Variants in MAP3K6 observed in about 807,000 individuals in gnomAD.
MAP3K6 encodes apoptosis signal-regulating kinase 2.
Under a neutral mutation model 147.1 loss-of-function variants are expected in MAP3K6, and 105 were observed. The ratio of observed to expected loss-of-function variants is 0.71; its 90% confidence interval spans 0.61 to 0.84. The LOEUF is 0.84. Ranked by LOEUF, MAP3K6 falls within the 40% of genes least tolerant of loss-of-function variation. MAP3K6 has a pLI of 0.00. For missense variants in MAP3K6, 1,569 were observed against 1,715.0 expected (o/e 0.91, Z 1.50); for synonymous variants, 695 against 732.4 (o/e 0.95, Z 0.82).
In MAP3K6 at chr1:27,365,237, T is replaced by G. The variant is rs114067156; in HGVS notation, c.341-325A>C. Among the ~76,000 whole-genome samples, 442 of 152,174 alleles carry G rather than the reference T, an allele frequency of 2.9e-3. 3 individuals are homozygous for G. The highest frequency in any genetic ancestry group is 9.8e-3 in the African/African-American group (408 of 41,520). ...TTAGGAGGTGGGAGTTGCGCAAACA[T>G]AGAAGTCCCCTCCCTTTGGTCTTCA... On this transcript the variant is annotated intron_variant, in intron 1 of 28. Transcript: ENST00000357582.
In MAP3K6 at chr1:27,355,252, T is replaced by G; in HGVS notation, c.*139A>C. Reference sequence around the variant, plus strand: ...GGTGCCTGTGGTTGGTTTCTCTCACTGGAACCAGTCCTGGGCCCCACTCGC... The same window carrying G: ...GGTGCCTGTGGTTGGTTTCTCTCACGGGAACCAGTCCTGGGCCCCACTCGC... On this transcript the variant is annotated 3_prime_UTR_variant, in exon 29 of 29. Coordinates refer to ENST00000357582, the MANE Select transcript of MAP3K6 (RefSeq NM_004672.5). 1 of 806,206 alleles carries G rather than the reference T, an allele frequency of 1.2e-6. No homozygotes were observed. The highest frequency in any genetic ancestry group is 1.4e-5 in the South Asian group (1 of 72,366). The allele number at this position is 806,206 out of a possible 1,614,324, so 49.9% of individuals were successfully genotyped here. A position where few individuals can be genotyped will look rare whatever the true frequency, so the allele number is the denominator to read the frequency against.
chr1:27,358,476 G>T lies in MAP3K6; in HGVS notation c.2719C>A (p.Gln907Lys). 1 of 1,595,860 alleles carries T rather than the reference G, an allele frequency of 6.3e-7. No homozygotes were observed. The highest frequency in any genetic ancestry group is 8.5e-7 in the Non-Finnish European group (1 of 1,174,896). The change falls in exon 20 of 29, where the codon CAG becomes AAG. Residue 907 changes from glutamine to lysine, a missense_variant. Coordinates refer to ENST00000357582, the MANE Select transcript of MAP3K6 (RefSeq NM_004672.5). This position sits in a 1 kb window ranked among gnomAD's most constrained non-coding sequence, Gnocchi z 6.2. ...GGGCTGCGGCTCCTTTTCCCAGGCT[G>T]CAGGAAGGGGTCCCCCAGCAGTGTC... is the stretch of plus-strand genomic sequence containing the variant. ...AQTLLGDPFL[Q>K]PGKRSRSPSS...
rs1030008411 is a variant in MAP3K6, at chr1:27,364,585, C to A, written c.504+76G>T. The stretch of plus-strand genomic sequence containing the variant: ...TGGGGGGTTAGGTGACTGAGGAGGC[C>A]AGGGGGATTAGTGGAGGTCAGAGGT... On this transcript the variant is annotated intron_variant, in intron 3 of 28. Transcript: ENST00000357582. The surrounding 1 kb of genome is among the most constrained non-coding windows in gnomAD (Gnocchi z 4.4). 6.2e-7 allele frequency: 1 copy of A among 1,605,138 alleles called. No individual in the cohort carries two copies. The highest frequency in any genetic ancestry group is 1.3e-5 in the African/African-American group (1 of 74,570).
chr1:27,355,567 C>T, intron 28 of MAP3K6, 98 bp from the exon 29 acceptor site: 1 of 1,567,470 alleles, frequency 6.4e-7, no homozygotes, highest in South Asian at 1.1e-5. Flanking sequence ...CCCTAGGGGA[C>T]CCAGGTGCCC....
Position 27,364,996 on chromosome 1 carries a change from C to T in MAP3K6, c.341-84G>A. 7 of 1,442,584 alleles carry T rather than the reference C, an allele frequency of 4.9e-6. No homozygotes were observed. Among genetic ancestry groups the T allele is most frequent in the African/African-American group, 2.8e-5 (2 of 70,352 alleles). 89.4% of individuals were successfully genotyped at this position (1,442,584 alleles called of 1,614,324 possible). A position where few individuals can be genotyped will look rare whatever the true frequency, so the allele number is the denominator to read the frequency against. ...CGGGGTCCATCCTGGCTTGACCTGC[C>T]TTGCTGTGGGACTCCAGTAGGGTCT... On this transcript the variant is annotated intron_variant, in intron 1 of 28. Coordinates refer to ENST00000357582, the MANE Select transcript of MAP3K6 (RefSeq NM_004672.5). The surrounding 1 kb of genome is among the most constrained non-coding windows in gnomAD (Gnocchi z 4.4).
In MAP3K6 at chr1:27,358,384, C is replaced by T; in HGVS notation, c.2776+35G>A. ...CCCTCACAGCTCCACAACTCCTCTGCCCTCCACTGTGCCCATCCCGCCACC... is the reference window on the plus strand; with the variant it reads ...CCCTCACAGCTCCACAACTCCTCTGTCCTCCACTGTGCCCATCCCGCCACC... On this transcript the variant is annotated intron_variant, in intron 20 of 28. Coordinates refer to ENST00000357582, the MANE Select transcript of MAP3K6 (RefSeq NM_004672.5). This position sits in a 1 kb window ranked among gnomAD's most constrained non-coding sequence, Gnocchi z 6.2. 2.5e-6 allele frequency: 4 copies of T among 1,587,370 alleles called. No homozygotes were observed. Among genetic ancestry groups the T allele is most frequent in the Non-Finnish European group, 3.4e-6 (4 of 1,172,198 alleles).
Position 27,358,248 on chromosome 1 carries a change from C to G in MAP3K6, c.2848G>C (p.Ala950Pro), listed in dbSNP as rs777429237. The G allele has an allele frequency of 3.1e-6, 5 of 1,599,990 alleles. No homozygotes were observed. The South Asian group carries it at 5.6e-5, about 18-fold the overall frequency. Residue 950 changes from alanine (A) to proline (P), a missense_variant, in exon 21 of 29, where the codon GCA (alanine) becomes CCA (proline). Ala to Pro is a conservative substitution (Grantham distance 27). Coordinates refer to ENST00000357582, the MANE Select transcript of MAP3K6 (RefSeq NM_004672.5). This position sits in a 1 kb window ranked among gnomAD's most constrained non-coding sequence, Gnocchi z 6.2. ...GGGCTGGGTGGGTGCTGAGAGGGTG[C>G]CTGAGGGCACGGGAATGTCTGAGAC... ...TQSQTFPCPQ[A>P]PSQHPPSPPK...
intron 6 of MAP3K6, 99 bp downstream of exon 6, chr1:27,363,343 G>C: frequency 1.0e-6 from 1 of 990,728 alleles, no homozygotes; most frequent in Admixed American, 2.8e-5. Flanking sequence ...CAAATTCCCC[G>C]AACAGCAGTG....
At chr1:27,363,632 C>A in intron 5 of MAP3K6, 84 bp from the exon 6 acceptor site, 1 of 1,076,192 alleles carries the variant, frequency 9.3e-7, no homozygotes, top group Non-Finnish European at 1.3e-6. Context: ...CCACTCCTGA[C>A]ATCCCACCCA....
rs57472870 is a variant in MAP3K6, at chr1:27,366,104, C to A, written c.340+154G>T. On this transcript the variant is annotated intron_variant, in intron 1 of 28. Transcript: ENST00000357582. The surrounding 1 kb of genome is among the most constrained non-coding windows in gnomAD (Gnocchi z 5.5). ...GATCCCCTAAATCCCACTTTTTTCACGGCCCTGTCCCAAGCCCTTCAGCTT... is the reference window on the plus strand; with the variant it reads ...GATCCCCTAAATCCCACTTTTTTCAAGGCCCTGTCCCAAGCCCTTCAGCTT... 0.012 allele frequency among the ~76,000 whole-genome samples: 1,826 copies of A among 152,200 alleles called. 40 individuals carry two copies. The highest frequency in any genetic ancestry group is 0.041 in the African/African-American group (1,714 of 41,514).
rs1454826852 is a variant in MAP3K6 at position 27,358,560 on chromosome 1, C to T, written c.2635G>A (p.Ala879Thr). ...PPMPSSLSAE[A>T]QAFLLRTFEP... The stretch of plus-strand genomic sequence containing the variant: ...AAAGTTCGGAGGAGAAAGGCTTGGG[C>T]CTCGGCCGACAGAGAGCTGGGCATT... Residue 879 changes from alanine to threonine, a missense_variant, in exon 20 of 29, where the codon GCC (alanine) becomes ACC (threonine). Coordinates refer to ENST00000357582, the MANE Select transcript of MAP3K6 (RefSeq NM_004672.5). The surrounding 1 kb of genome is among the most constrained non-coding windows in gnomAD (Gnocchi z 6.2). The T allele has an allele frequency of 3.7e-6, 6 of 1,613,186 alleles. No homozygotes were observed. Among genetic ancestry groups the T allele is most frequent in the Non-Finnish European group, 5.1e-6 (6 of 1,179,782 alleles).
In MAP3K6 at chr1:27,358,325, G is replaced by A; in HGVS notation, c.2777-6C>T. 1 of 1,607,512 alleles carries A rather than the reference G, an allele frequency of 6.2e-7. No homozygotes were observed. The highest frequency in any genetic ancestry group is 8.5e-7 in the Non-Finnish European group (1 of 1,178,186). On this transcript the variant is annotated splice_region_variant and splice_polypyrimidine_tract_variant and intron_variant, in intron 20 of 28. Transcript: ENST00000357582. This position sits in a 1 kb window ranked among gnomAD's most constrained non-coding sequence, Gnocchi z 6.2. Reference sequence around the variant, plus strand: ...GGGACTGGCAGAAGGGGCATCTGAGGGAGGGACAGAGCCATCAGCTGGGCT... The same window carrying A: ...GGGACTGGCAGAAGGGGCATCTGAGAGAGGGACAGAGCCATCAGCTGGGCT...
At position 27,355,468 on chromosome 1, in the gene MAP3K6, C is replaced by T; in HGVS notation, c.3790G>A (p.Gly1264Arg). The change falls in exon 29 of 29, where the codon GGA (glycine) becomes AGA (arginine). Residue 1264 changes from glycine to arginine, a missense_variant and splice_region_variant. By Grantham distance (125) the Gly-to-Arg change is moderately radical (BLOSUM62 -2). Transcript: ENST00000357582. ...CTCCAGATGCGGCATACCATCCCTC[C>T]CCTGGGGGTAATGGACTCAGTGTGG... ...RDDLIYTRIRGGMVCRIWRAI... is the reference protein window; with the variant it reads ...RDDLIYTRIRRGMVCRIWRAI... 2 of 1,614,072 alleles carry T rather than the reference C, an allele frequency of 1.2e-6. No homozygotes were observed. The highest frequency in any genetic ancestry group is 1.1e-5 in the South Asian group (1 of 91,068).
At position 27,358,186 on chromosome 1, in the gene MAP3K6, C is replaced by T. The variant is rs374035511; in HGVS notation, c.2910G>A (p.Gln970=). ...CCCAGGAGCCTTGGTCTCACCGGAG[C>T]TGGCTGGTGCCCCCATAACTGAGGC... ...KRCLSYGGTS[Q]LRVPEEPAAE... Residue 970 remains glutamine, a synonymous_variant, in exon 21 of 29, where the codon CAG becomes CAA. Transcript: ENST00000357582. This position sits in a 1 kb window ranked among gnomAD's most constrained non-coding sequence, Gnocchi z 6.2. The T allele has an allele frequency of 6.3e-7, 1 of 1,585,712 alleles. No homozygotes were observed. The highest frequency in any genetic ancestry group is 1.4e-5 in the African/African-American group (1 of 72,834).
rs747018492 is a variant in MAP3K6, at chr1:27,363,517, G to A, written c.896C>T (p.Thr299Met). 1.2e-5 allele frequency: 20 copies of A among 1,612,790 alleles called. No individual in the cohort carries two copies. Among genetic ancestry groups the A allele is most frequent in the Non-Finnish European group, 1.4e-5 (17 of 1,179,406 alleles). Residue 299 changes from threonine to methionine, a missense_variant, in exon 6 of 29, where the codon ACG becomes ATG. Coordinates refer to ENST00000357582, the MANE Select transcript of MAP3K6 (RefSeq NM_004672.5). ...ATCACAGGTGGGCAAGGCCTGCAGC[G>A]TCTCCACCAGCTCAATGATGGCCGA... Reference protein sequence around the residue: ...DYSAIIELVETLQALPTCDVA... With the variant: ...DYSAIIELVEMLQALPTCDVA...
In MAP3K6 at chr1:27,357,572, G is replaced by A. The variant is rs150470835; in HGVS notation, c.3086C>T (p.Ala1029Val). 35 of 1,607,030 alleles carry A rather than the reference G, an allele frequency of 2.2e-5. No individual in the cohort carries two copies. The African/African-American group carries it at 3.5e-4, about 16-fold the overall frequency. Residue 1029 changes from alanine to valine, a missense_variant, in exon 23 of 29, where the codon GCC (alanine) becomes GTC (valine). Ala to Val is a moderately conservative substitution (Grantham distance 64, BLOSUM62 0). Transcript: ENST00000357582. The stretch of plus-strand genomic sequence containing the variant: ...TTCCACATGGTTTCTGCCCAGACGG[G>A]CCCCCTGAGAAGGAAGAGAGGGGTT... ...LHQEQKQEQG[A>V]RLGRNHVEEL...
At position 27,358,403 on chromosome 1, in the gene MAP3K6, C is replaced by T. The variant is rs769907747; in HGVS notation, c.2776+16G>A. ...CCTCTGCCCTCCACTGTGCCCATCCCGCCACCCGCAAGCACCTGAGGGCCG... is the reference window on the plus strand; with the variant it reads ...CCTCTGCCCTCCACTGTGCCCATCCTGCCACCCGCAAGCACCTGAGGGCCG... On this transcript the variant is annotated intron_variant, in intron 20 of 28. Transcript: ENST00000357582. The surrounding 1 kb of genome is among the most constrained non-coding windows in gnomAD (Gnocchi z 6.2). 1.8e-5 allele frequency: 28 copies of T among 1,582,740 alleles called. No individual in the cohort carries two copies. Among genetic ancestry groups the T allele is most frequent in the Middle Eastern group, 1.7e-4 (1 of 5,936 alleles).
chr1:27,357,186 T>G, intron 23 of MAP3K6, 72 bp from the exon 24 acceptor site: 1 of 1,448,830 alleles, frequency 6.9e-7, no homozygotes, highest in Non-Finnish European at 9.6e-7. Flanking sequence ...TGGAAAGGCC[T>G]AGAAAGTCTT....
In MAP3K6 at chr1:27,366,579, G is replaced by C. The variant is rs1411408582; in HGVS notation, c.19C>G (p.Arg7Gly). 2.8e-6 allele frequency: 3 copies of C among 1,079,568 alleles called. No homozygotes were observed. Among genetic ancestry groups the C allele is most frequent in the Non-Finnish European group, 3.4e-6 (3 of 891,642 alleles). The allele number at this position is 1,079,568 out of a possible 1,614,324, so 66.9% of individuals were successfully genotyped here. A position where few individuals can be genotyped will look rare whatever the true frequency, so the allele number is the denominator to read the frequency against. MAGPCPRSGAERAGSCW... is the reference protein window; with the variant it reads MAGPCPGSGAERAGSCW... Reference sequence around the variant, plus strand: ...CTGCCGGCGCGCTCCGCCCCGGACCGGGGACACGGCCCCGCCATGCGGGGG... The same window carrying C: ...CTGCCGGCGCGCTCCGCCCCGGACCCGGGACACGGCCCCGCCATGCGGGGG... The change falls in exon 1 of 29, where the codon CGG (arginine) becomes GGG (glycine). Residue 7 changes from arginine (R) to glycine (G), a missense_variant. Transcript: ENST00000357582. This position sits in a 1 kb window ranked among gnomAD's most constrained non-coding sequence, Gnocchi z 5.5.
Sources: gnomAD v4.1 joint callset for allele counts (sites outside exome capture counted in the v4.1 genomes callset) on GRCh38, gnomAD v4.1.1 for gene constraint, Gnocchi (gnomAD v3.1) non-coding constraint, MANE v1.5 for transcripts, NCBI Gene and HGNC (gene_info 2026-07-23, HGNC 2026-07-21) for gene names.